The following FERMT3 variants were observed in gnomAD, a reference collection of about 807,000 sequenced individuals.
FERMT3 encodes FERM domain containing kindlin 3.
In FERMT3, 33 loss-of-function variants were observed where a neutral mutation model predicts 80.8. The ratio of observed to expected loss-of-function variants is 0.41; its 90% CI spans 0.31 to 0.55. The LOEUF (loss-of-function observed/expected upper bound fraction) is 0.55, where lower values mean the gene tolerates loss of function less well. Among genes scored for constraint, FERMT3 ranks in the 20% least tolerant of loss-of-function variants. The pLI is 0.31. For synonymous variants in FERMT3, 375 were observed against 372.2 expected, an observed-to-expected ratio of 1.01 and a Z score of -0.09; for missense variants, 754 against 908.7, an observed-to-expected ratio of 0.83 and a Z score of 2.19.
rs761505879 is a variant in FERMT3, at chr11:64,211,933, G to A, written c.786+186G>A. ...AACTCATCTACTCACCTCAGCATCA[G>A]GCCAGGTCCTGGGCCCCGGGCAGAT... is the stretch of plus-strand genomic sequence containing the variant. On this transcript the variant is annotated intron_variant, in intron 6 of 14. Coordinates refer to ENST00000345728, the MANE Select transcript of FERMT3 (RefSeq NM_031471.6). This position sits in a 1 kb window ranked among gnomAD's most constrained non-coding sequence, Gnocchi z 4.7. Among the ~76,000 whole-genome samples, 12 of 152,204 alleles carry A rather than the reference G, an allele frequency of 7.9e-5. No individual in the cohort carries two copies. Among genetic ancestry groups the A allele is most frequent in the Non-Finnish European group, 1.5e-4 (10 of 68,040 alleles).
chr11:64,210,483 C>G lies in FERMT3; in HGVS notation c.161-128C>G. ...GGGGTAGACCCCAGGCCCGCCCAGG[C>G]TGCCCCACTCTTGGCTTAGGCAGGG... is the stretch of plus-strand genomic sequence containing the variant. On this transcript the variant is annotated intron_variant, in intron 2 of 14. Transcript: ENST00000345728. The surrounding 1 kb of genome is among the most constrained non-coding windows in gnomAD (Gnocchi z 4.3). 1.1e-6 allele frequency: 1 copy of G among 928,704 alleles called. No homozygotes were observed. The highest frequency in any genetic ancestry group is 1.7e-6 in the Non-Finnish European group (1 of 586,644). The allele number at this position is 928,704 out of a possible 1,614,324, so 57.5% of individuals were successfully genotyped here. A position where few individuals can be genotyped will look rare whatever the true frequency, so the allele number is the denominator to read the frequency against.
chr11:64,220,452 G>A lies in FERMT3; in HGVS notation c.1328G>A (p.Arg443His). Residue 443 changes from arginine (R) to histidine (H), a missense_variant, in exon 12 of 15, where the codon CGC (arginine) becomes CAC (histidine). Physicochemically the swap from Arg to His is conservative, Grantham distance 29 (BLOSUM62 0). Coordinates refer to ENST00000345728, the MANE Select transcript of FERMT3 (RefSeq NM_031471.6). The stretch of plus-strand genomic sequence containing the variant: ...CTCGCCCAGGAGCAGCAGTATGCCC[G>A]CTGGATGGCTGGCTGCCGCCTGGCC... Reference protein sequence around the residue: ...LRCQDEQQYARWMAGCRLASK... With the variant: ...LRCQDEQQYAHWMAGCRLASK... 5 of 1,610,296 alleles carry A rather than the reference G, an allele frequency of 3.1e-6. No homozygotes were observed. The South Asian group carries it at 3.3e-5, about 11-fold the overall frequency.
intron 6 of FERMT3, among the ~76,000 whole-genome samples, chr11:64,218,639 T>C (rs1451184317): frequency 6.6e-6 from 1 of 152,220 alleles, no homozygotes; most frequent in Non-Finnish European, 1.5e-5. Context: ...TTCCTAAACC[T>C]TTGCTATCAA....
Position 64,223,520 on chromosome 11 carries a change from C to T in FERMT3, c.*28C>T. 1.9e-6 allele frequency: 3 copies of T among 1,544,612 alleles called. No individual in the cohort carries two copies. Among genetic ancestry groups the T allele is most frequent in the Non-Finnish European group, 2.6e-6 (3 of 1,161,076 alleles). On this transcript the variant is annotated 3_prime_UTR_variant, in exon 15 of 15. Transcript: ENST00000345728. ...GCTGTCTGATTGCCCCTGCCCTGCT[C>T]ACCACCCTGTCACAGCCACTCCCAA...
chr11:64,220,307 T>G lies in FERMT3; in HGVS notation c.1292T>G (p.Ile431Ser). ...LVPSPEGMSE[I>S]YLRCQDEQQY... The stretch of plus-strand genomic sequence containing the variant: ...CCCTCCCCTGAGGGCATGAGTGAGA[T>G]CTACCTGCGGTGCCAGGATGTGAGT... The change falls in exon 11 of 15, where the codon ATC (isoleucine) becomes AGC (serine). Residue 431 changes from isoleucine (I) to serine (S), a missense_variant. Physicochemically the swap from Ile to Ser is moderately radical, Grantham distance 142. Coordinates refer to ENST00000345728, the MANE Select transcript of FERMT3 (RefSeq NM_031471.6). The G allele has an allele frequency of 1.2e-6, 2 of 1,613,772 alleles. No individual in the cohort carries two copies. Among genetic ancestry groups the G allele is most frequent in the Non-Finnish European group, 1.7e-6 (2 of 1,179,922 alleles).
rs769458086 is a variant in FERMT3, at chr11:64,220,631, G to A, written c.1507G>A (p.Val503Ile). 26 of 1,611,372 alleles carry A rather than the reference G, an allele frequency of 1.6e-5. No individual in the cohort carries two copies. Among genetic ancestry groups the A allele is most frequent in the South Asian group, 2.2e-5 (2 of 90,774 alleles). ...CGAGGGCCTCAACCCCTACGGCCTC[G>A]TTGCCCCCCGTTTCCAGCGAAAGTT... ...SAEGLNPYGL[V>I]APRFQRKFKA... Residue 503 changes from valine (V) to isoleucine (I), a missense_variant, in exon 12 of 15, where the codon GTT (valine) becomes ATT (isoleucine). Val to Ile is a conservative substitution (Grantham distance 29, BLOSUM62 3). Coordinates refer to ENST00000345728, the MANE Select transcript of FERMT3 (RefSeq NM_031471.6).
At chr11:64,212,787 TCA>T (rs1491548313) in intron 6 of FERMT3, among the ~76,000 whole-genome samples, 3 of 152,024 alleles carry the variant, frequency 2.0e-5, no homozygotes, top group Non-Finnish European at 4.4e-5. Context: ...TCTCCTTCTC[TCA>T]GTCATCTCCA....
intron 10 of FERMT3, 64 bp downstream of exon 10, chr11:64,220,079 C>T: frequency 1.9e-6 from 3 of 1,600,236 alleles, no homozygotes; most frequent in South Asian, 1.1e-5. Context: ...CAGGTGAATG[C>T]TCTCACCGGC....
intron 13 of FERMT3, among the ~76,000 whole-genome samples, chr11:64,222,747 A>G (rs1486172432): frequency 6.6e-6 from 1 of 152,142 alleles, no homozygotes; most frequent in Non-Finnish European, 1.5e-5. Context: ...CAAGACTGCA[A>G]AGAAGGGAGG....
At chr11:64,221,532 G>A (rs777503306) in intron 13 of FERMT3, among the ~76,000 whole-genome samples, 1 of 152,220 alleles carries the variant, frequency 6.6e-6, no homozygotes, top group African/African-American at 2.4e-5. Context: ...TCAGGAGGCT[G>A]AGGTGGGAGG....
At chr11:64,220,059 G>T (rs956402727) in intron 10 of FERMT3, 44 bp downstream of exon 10, 1 of 1,610,204 alleles carries the variant, frequency 6.2e-7, no homozygotes, top group African/African-American at 1.3e-5. Flanking sequence ...ATCCCCACTT[G>T]TGGGCTAGGC....
Position 64,219,316 on chromosome 11 carries a change from T to C in FERMT3, c.852T>C (p.Ile284=), listed in dbSNP as rs1006209916. ...QARWDLLLEE[I]DCTEEEMMVF... ...GGTGGGACCTGCTGCTGGAGGAGAT[T>C]GACTGCACCGAGGAGGAGATGATGG... Residue 284 remains isoleucine (I), a synonymous_variant, in exon 7 of 15, where the codon ATT becomes ATC. Coordinates refer to ENST00000345728, the MANE Select transcript of FERMT3 (RefSeq NM_031471.6). This position sits in a 1 kb window ranked among gnomAD's most constrained non-coding sequence, Gnocchi z 4.0. The C allele has an allele frequency of 6.2e-7, 1 of 1,609,024 alleles. No homozygotes were observed. The highest frequency in any genetic ancestry group is 1.7e-5 in the Admixed American group (1 of 59,456).
At position 64,220,293 on chromosome 11, in the gene FERMT3, G is replaced by A. The variant is rs1311971393; in HGVS notation, c.1278G>A (p.Glu426=). 1 of 1,613,978 alleles carries A rather than the reference G, an allele frequency of 6.2e-7. No individual in the cohort carries two copies. The highest frequency in any genetic ancestry group is 8.5e-7 in the Non-Finnish European group (1 of 1,180,012). Residue 426 remains glutamate, a synonymous_variant, in exon 11 of 15, where the codon GAG becomes GAA. Coordinates refer to ENST00000345728, the MANE Select transcript of FERMT3 (RefSeq NM_031471.6). ...TTAAACTCCTAGTGCCCTCCCCTGA[G>A]GGCATGAGTGAGATCTACCTGCGGT... The part of the protein sequence containing the change: ...FCIKLLVPSP[E]GMSEIYLRCQ...
In FERMT3 at chr11:64,210,880, G is replaced by C; in HGVS notation, c.394+36G>C. On this transcript the variant is annotated intron_variant, in intron 3 of 14. Transcript: ENST00000345728. The surrounding 1 kb of genome is among the most constrained non-coding windows in gnomAD (Gnocchi z 4.3). ...CGGCTGATTCCCCTGGCCCACGAGG[G>C]TGATGCAAAGAGGCAGGTTCCCCCG... 6.2e-7 allele frequency: 1 copy of C among 1,609,468 alleles called. No homozygotes were observed. The highest frequency in any genetic ancestry group is 8.5e-7 in the Non-Finnish European group (1 of 1,179,668).
In FERMT3 at chr11:64,220,204, C is replaced by T. The variant is rs537958912; in HGVS notation, c.1205-16C>T. ...TCCCCTCCCGACCTCCTAGACCACC[C>T]CTTCTCTCCCTCCAGGCTGTGAGGT... is the stretch of plus-strand genomic sequence containing the variant. On this transcript the variant is annotated splice_polypyrimidine_tract_variant and intron_variant, in intron 10 of 14. Coordinates refer to ENST00000345728, the MANE Select transcript of FERMT3 (RefSeq NM_031471.6). 20 of 1,612,486 alleles carry T rather than the reference C, an allele frequency of 1.2e-5. No homozygotes were observed. In the Admixed American group the frequency reaches 1.8e-4, roughly 15 times the overall value.
At chr11:64,207,599 C>T in intron 2 of FERMT3, 75 bp downstream of exon 2, 1 of 1,525,608 alleles carries the variant, frequency 6.6e-7, no homozygotes, top group Non-Finnish European at 8.9e-7. Flanking sequence ...CACTTCCGGG[C>T]CATCCCTGCT....
At position 64,207,484 on chromosome 11, in the gene FERMT3, G is replaced by A. The variant is rs770220477; in HGVS notation, c.120G>A (p.Ser40=). The change falls in exon 2 of 15, where the codon TCG becomes TCA. Residue 40 remains serine, a synonymous_variant. Transcript: ENST00000345728. The part of the protein sequence containing the change: ...ESVTLRVTGE[S]HIGGVLLKIV... ...TCACCCTGCGGGTCACTGGGGAGTC[G>A]CACATCGGCGGGGTGCTCCTGAAGA... is the stretch of plus-strand genomic sequence containing the variant. The A allele has an allele frequency of 2.4e-5, 39 of 1,613,526 alleles. No individual in the cohort carries two copies. The highest frequency in any genetic ancestry group is 2.1e-4 in the African/African-American group (16 of 74,900).
intron 13 of FERMT3, 65 bp from the exon 14 acceptor site, chr11:64,222,983 T>G (rs1946746810): frequency 1.2e-6 from 2 of 1,602,644 alleles, no homozygotes; most frequent in South Asian, 2.2e-5. Context: ...CGGCGCCACA[T>G]TGTCTGGGCG....
Position 64,223,551 on chromosome 11 carries a change from C to G in FERMT3, c.*59C>G. 6.5e-7 allele frequency: 1 copy of G among 1,549,818 alleles called. No homozygotes were observed. Among genetic ancestry groups the G allele is most frequent in the Non-Finnish European group, 8.7e-7 (1 of 1,149,010 alleles). On this transcript the variant is annotated 3_prime_UTR_variant, in exon 15 of 15. Coordinates refer to ENST00000345728, the MANE Select transcript of FERMT3 (RefSeq NM_031471.6). ...CCTGTCACAGCCACTCCCAAGCCCA[C>G]ACCCACAGGGGCTCACTGCCCCACA...
Sources: gnomAD v4.1 joint callset for allele counts (sites outside exome capture counted in the v4.1 genomes callset) on GRCh38, gnomAD v4.1.1 for gene constraint, Gnocchi (gnomAD v3.1) non-coding constraint, MANE v1.5 for transcripts, NCBI Gene and HGNC (gene_info 2026-07-23, HGNC 2026-07-21) for gene names.